Variants in RIMBP2 observed in about 807,000 individuals in gnomAD.
RIMBP2 encodes RIMS-binding protein 2.
In RIMBP2, 48 loss-of-function variants were observed where a neutral mutation model predicts 118.6. The ratio of observed to expected loss-of-function variants is 0.40; its 90% confidence interval spans 0.32 to 0.51. The LOEUF (loss-of-function observed/expected upper bound fraction) is 0.51. RIMBP2 is among the 20% of genes least tolerant of loss of function. The pLI is 0.41. For synonymous variants in RIMBP2, 762 were observed against 742.9 expected, an observed-to-expected ratio of 1.03 and a Z score of -0.42; for missense variants, 1,551 against 1,768.3, an observed-to-expected ratio of 0.88 and a Z score of 2.20.
At position 130,450,125 on chromosome 12, in the gene RIMBP2, CAG is replaced by C. The variant is rs1404213710; in HGVS notation, c.581+73_581+74del. The C allele has an allele frequency of 1.0e-6, 1 of 955,734 alleles. No individual in the cohort carries two copies. 59.2% of individuals were successfully genotyped at this position (955,734 alleles called of 1,614,324 possible). ...TGGGAGAAGGGAACTTCTCAGACCC[CAG>C]AGTGTTCCCAGACCCAACATCTCAT... is the stretch of plus-strand genomic sequence containing the variant. On this transcript the variant is annotated intron_variant, in intron 9 of 22. Transcript: ENST00000690449. The surrounding 1 kb of genome is among the most constrained non-coding windows in gnomAD (Gnocchi z 4.8).
chr12:130,603,079 C>G (rs1262494463), intron 2 of RIMBP2, among the ~76,000 whole-genome samples: 1 of 152,056 alleles, frequency 6.6e-6, no homozygotes, highest in African/African-American at 2.4e-5. Context: ...TATCAAGAAA[C>G]AGTACTAATA....
intron 2 of RIMBP2, among the ~76,000 whole-genome samples, chr12:130,569,506 C>T (rs1043487959): frequency 1.3e-5 from 2 of 152,210 alleles, no homozygotes; most frequent in African/African-American, 2.4e-5. Context: ...AACTGACATG[C>T]GCTATGGTTT....
At chr12:130,531,531 T>C (rs2053373864) in intron 2 of RIMBP2, among the ~76,000 whole-genome samples, 1 of 152,262 alleles carries the variant, frequency 6.6e-6, no homozygotes, top group Non-Finnish European at 1.5e-5. Context: ...TATCCTCTTG[T>C]ATAAATAATC....
chr12:130,715,044 C>A (rs1222355540), intron 1 of RIMBP2, among the ~76,000 whole-genome samples: 3 of 152,344 alleles, frequency 2.0e-5, no homozygotes, highest in African/African-American at 7.2e-5. Flanking sequence ...TGCCGCAGGG[C>A]CCAGAGCCCG....
intron 1 of RIMBP2, among the ~76,000 whole-genome samples, chr12:130,687,886 A>G (rs545900003): frequency 6.0e-4 from 91 of 152,362 alleles, no homozygotes; most frequent in African/African-American, 2.2e-3. Context: ...TTGCAGCAGC[A>G]TGATAAATGC....
At chr12:130,418,979 TG>T (rs2076260187) in intron 17 of RIMBP2, among the ~76,000 whole-genome samples, 1 of 151,926 alleles carries the variant, frequency 6.6e-6, no homozygotes, top group South Asian at 2.1e-4. Flanking sequence ...GGAAGACAGG[TG>T]TGGGGTAGAG....
chr12:130,456,161 G>A (rs2079417738), intron 7 of RIMBP2, among the ~76,000 whole-genome samples: 1 of 152,228 alleles, frequency 6.6e-6, no homozygotes, highest in South Asian at 2.1e-4. Flanking sequence ...TGCAGACTCT[G>A]CAGCCAGACT....
At chr12:130,406,376 G>A (rs1387204506) in intron 20 of RIMBP2, 133 bp from the exon 21 acceptor site, 2 of 618,012 alleles carry the variant, frequency 3.2e-6, no homozygotes, top group East Asian at 2.9e-5. Context: ...GTCAAATAAA[G>A]GTAGAAGCTA....
At chr12:130,477,714 AAC>A (rs2081557374) in intron 5 of RIMBP2, among the ~76,000 whole-genome samples, 1 of 152,390 alleles carries the variant, frequency 6.6e-6, no homozygotes, top group East Asian at 1.9e-4. Flanking sequence ...CTGGAGGAGA[AAC>A]GCTGCTCCGG....
intron 1 of RIMBP2, among the ~76,000 whole-genome samples, chr12:130,636,980 G>A (rs1239047439): frequency 2.0e-5 from 3 of 152,136 alleles, no homozygotes; most frequent in Admixed American, 6.5e-5. Flanking sequence ...CCTTGTTCTG[G>A]GTACAGAAGA....
chr12:130,508,543 G>A (rs1278165028), intron 3 of RIMBP2, among the ~76,000 whole-genome samples: 1 of 151,688 alleles, frequency 6.6e-6, no homozygotes, highest in Non-Finnish European at 1.5e-5. Flanking sequence ...CTTCTCATTA[G>A]GTGTCACCTC....
rs181043626 is a variant in RIMBP2 at position 130,489,857 on chromosome 12, G to A, written c.-3-10841C>T. Among the ~76,000 whole-genome samples, 866 of 152,256 alleles carry A rather than the reference G, an allele frequency of 5.7e-3. 1 individual carries two copies. The highest frequency in any genetic ancestry group is 9.0e-3 in the Non-Finnish European group (609 of 68,016). On this transcript the variant is annotated intron_variant, in intron 4 of 22. Coordinates refer to ENST00000690449, the MANE Select transcript of RIMBP2 (RefSeq NM_001393629.1). ...CATTTCTATCACTCTTTCAAAATGCGTGTCTTAAAAGTGAATTAAGCACTT... is the reference window on the plus strand; with the variant it reads ...CATTTCTATCACTCTTTCAAAATGCATGTCTTAAAAGTGAATTAAGCACTT...
Position 130,619,529 on chromosome 12 carries a change from C to T in RIMBP2, c.-217+8793G>A, listed in dbSNP as rs34160137. 6.4e-3 allele frequency among the ~76,000 whole-genome samples: 970 copies of T among 152,284 alleles called. 7 individuals carry two copies. Among genetic ancestry groups the T allele is most frequent in the Non-Finnish European group, 0.01 (694 of 68,020 alleles). ...GAGTCACCCATGCTAAACCAAGTGG[C>T]GATTTTGGAAAGTCCCAGTTCTGTA... is the stretch of plus-strand genomic sequence containing the variant. On this transcript the variant is annotated intron_variant, in intron 2 of 22. Coordinates refer to ENST00000690449, the MANE Select transcript of RIMBP2 (RefSeq NM_001393629.1).
chr12:130,649,414 A>C (rs2063129564), intron 1 of RIMBP2, among the ~76,000 whole-genome samples: 1 of 152,192 alleles, frequency 6.6e-6, no homozygotes, highest in Admixed American at 6.5e-5. Flanking sequence ...CCAGTGGGGT[A>C]CTGGGAAGGG....
intron 2 of RIMBP2, among the ~76,000 whole-genome samples, chr12:130,541,756 G>T (rs963225838): frequency 1.3e-5 from 2 of 152,340 alleles, no homozygotes; most frequent in Middle Eastern, 3.4e-3. Context: ...CAACATTTAC[G>T]TCACAGCTTC....
At chr12:130,438,331 A>G in intron 12 of RIMBP2, 34 bp downstream of exon 12, 1 of 1,459,334 alleles carries the variant, frequency 6.9e-7, no homozygotes, top group Non-Finnish European at 9.6e-7. Flanking sequence ...TTAGGGCCTA[A>G]CAAACCCTCC....
At chr12:130,492,794 C>T (rs1288170687) in intron 4 of RIMBP2, among the ~76,000 whole-genome samples, 1 of 152,192 alleles carries the variant, frequency 6.6e-6, no homozygotes, top group African/African-American at 2.4e-5. Context: ...TACCGTCCTT[C>T]CTAGGTTGTC....
chr12:130,623,378 T>C lies in RIMBP2; in HGVS notation c.-217+4944A>G, dbSNP rs1305277574. Among the ~76,000 whole-genome samples, 1 of 152,136 alleles carries C rather than the reference T, an allele frequency of 6.6e-6. No homozygotes were observed. Among genetic ancestry groups the C allele is most frequent in the Non-Finnish European group, 1.5e-5 (1 of 68,030 alleles). On this transcript the variant is annotated intron_variant, in intron 2 of 22. Coordinates refer to ENST00000690449, the MANE Select transcript of RIMBP2 (RefSeq NM_001393629.1). The surrounding 1 kb of genome is among the most constrained non-coding windows in gnomAD (Gnocchi z 4.1). ...ATCTAGGTTTTAAGCCCCACAAGTA[T>C]TAGGTATTTGCCCTAATGCTCCCCC...
chr12:130,674,290 C>T (rs1477252688), intron 1 of RIMBP2, among the ~76,000 whole-genome samples: 1 of 152,220 alleles, frequency 6.6e-6, no homozygotes, highest in East Asian at 1.9e-4. Flanking sequence ...AAGGCCTCCC[C>T]AGCCATGCGT....
Sources: allele counts gnomAD v4.1 joint callset (sites outside exome capture counted in the v4.1 genomes callset), GRCh38; gene constraint gnomAD v4.1.1; non-coding constraint Gnocchi (gnomAD v3.1); transcripts MANE v1.5; gene names NCBI Gene and HGNC (gene_info 2026-07-23, HGNC 2026-07-21).